The following TTC39A variants were observed in gnomAD, a reference collection of about 807,000 sequenced individuals.
The protein encoded by TTC39A is tetratricopeptide repeat protein 39A.
Under a neutral mutation model 82.3 loss-of-function variants are expected in TTC39A, and 46 were observed. The observed-to-expected ratio is 0.56, with a 90% CI of 0.44 to 0.71. The LOEUF (loss-of-function observed/expected upper bound fraction) is 0.71, where lower values mean the gene tolerates loss of function less well. Ranked by LOEUF, TTC39A falls within the 30% of genes least tolerant of loss-of-function variation. TTC39A has a pLI of 0.00. For missense variants in TTC39A, 543 were observed against 712.9 expected, an observed-to-expected ratio of 0.76 and a Z score of 2.71; for synonymous variants, 254 against 275.2, an observed-to-expected ratio of 0.92 and a Z score of 0.76.
At chr1:51,291,201 T>C (rs572599585) in intron 14 of TTC39A, among the ~76,000 whole-genome samples, 20 of 152,236 alleles carry the variant, frequency 1.3e-4, no homozygotes, top group South Asian at 4.1e-4. Flanking sequence ...TTAAAAAAAT[T>C]TGGGGGGGGC....
At position 51,337,345 on chromosome 1, in the gene TTC39A, C is replaced by T. The variant is rs571044531; in HGVS notation, c.53+7646G>A. On this transcript the variant is annotated intron_variant, in intron 1 of 5. Transcript: ENST00000401051. ...GTCTGCCTGGAATGCTCTTCTCACA[C>T]GATTCACTACTTCACCTTCTTCGGG... 7.2e-5 allele frequency among the ~76,000 whole-genome samples: 11 copies of T among 152,226 alleles called. No individual in the cohort carries two copies. In the East Asian group the frequency reaches 9.6e-4, roughly 13 times the overall value.
chr1:51,317,430 T>C lies in TTC39A; in HGVS notation c.146+4291A>G, dbSNP rs150118413. Among the ~76,000 whole-genome samples the C allele has an allele frequency of 5.3e-5, 8 of 152,252 alleles. No homozygotes were observed. In the East Asian group the frequency reaches 1.5e-3, roughly 29 times the overall value. The stretch of plus-strand genomic sequence containing the variant: ...GTCTGGGGGTGGTGTGCTACTGACA[T>C]TACTATTTGGAGGAAAACTGTTAAA... On this transcript the variant is annotated intron_variant, in intron 2 of 17. Transcript: ENST00000680483.
At chr1:51,325,567 C>G (rs1645683486) in intron 1 of TTC39A, among the ~76,000 whole-genome samples, 1 of 152,128 alleles carries the variant, frequency 6.6e-6, no homozygotes, top group Non-Finnish European at 1.5e-5. Flanking sequence ...GATTATTACC[C>G]CCCCACACCT....
At chr1:51,329,226 C>G (rs968131115) in intron 1 of TTC39A, among the ~76,000 whole-genome samples, 2 of 152,200 alleles carry the variant, frequency 1.3e-5, no homozygotes, top group African/African-American at 4.8e-5. Flanking sequence ...TGCCCGCCTT[C>G]TCTCCTGGAA....
At chr1:51,310,494 C>T (rs562151637) in intron 5 of TTC39A, among the ~76,000 whole-genome samples, 1 of 152,306 alleles carries the variant, frequency 6.6e-6, no homozygotes, top group South Asian at 2.1e-4. Flanking sequence ...ATCCAATTCT[C>T]ATCTCTCCAG....
chr1:51,316,951 T>C (rs1301172168), intron 2 of TTC39A, among the ~76,000 whole-genome samples: 1 of 152,190 alleles, frequency 6.6e-6, no homozygotes, highest in Non-Finnish European at 1.5e-5. Context: ...CACTCTGCCA[T>C]TTATTAACCA....
intron 2 of TTC39A, among the ~76,000 whole-genome samples, chr1:51,318,311 C>A (rs750419506): frequency 6.6e-6 from 1 of 152,122 alleles, no homozygotes; most frequent in Admixed American, 6.5e-5. Flanking sequence ...AGCTGGAGAG[C>A]CTTCCAAGAA....
At chr1:51,343,211 C>A in intron 1 of TTC39A, 1 of 370,990 alleles carries the variant, frequency 2.7e-6, no homozygotes, top group Non-Finnish European at 5.6e-6. Flanking sequence ...ACAAATGAGC[C>A]CTGTCTCCTT....
intron 1 of TTC39A, among the ~76,000 whole-genome samples, chr1:51,341,141 G>A (rs1010432993): frequency 6.6e-5 from 10 of 151,938 alleles, no homozygotes; most frequent in Admixed American, 6.6e-5. Context: ...CAGCCTGGGC[G>A]ACAAGAGTGA....
At chr1:51,322,020 G>A (rs1645544149) in intron 1 of TTC39A, 195 bp from the exon 2 acceptor site, 2 of 1,477,508 alleles carry the variant, frequency 1.4e-6, no homozygotes, top group South Asian at 2.6e-5. Flanking sequence ...CCCAAGGGTG[G>A]GAGGGGGAGC....
rs1487262469 is a variant in TTC39A, at chr1:51,287,487, AGATT to A, written c.*666_*669del. 6.6e-6 allele frequency: 1 copy of A among 152,226 alleles called. No homozygotes were observed. The highest frequency in any genetic ancestry group is 1.5e-5 in the Non-Finnish European group (1 of 68,048). 9.4% of individuals were successfully genotyped at this position (152,226 alleles called of 1,614,324 possible). On this transcript the variant is annotated 3_prime_UTR_variant, in exon 18 of 18. Coordinates refer to ENST00000680483, the MANE Select transcript of TTC39A (RefSeq NM_001297663.2). ...AAGCCCTGGCATTTTCTACTGGTAG[AGATT>A]GATTTTTCTACAGAAGAGCTCAGAT...
intron 2 of TTC39A, among the ~76,000 whole-genome samples, chr1:51,317,811 G>A (rs781448851): frequency 1.3e-5 from 2 of 152,168 alleles, no homozygotes; most frequent in Non-Finnish European, 2.9e-5. Flanking sequence ...GAATAAGGCA[G>A]GGGCTAAGAA....
At chr1:51,312,004 T>C (rs1431389566) in intron 4 of TTC39A, 115 bp downstream of exon 4, 2 of 1,133,994 alleles carry the variant, frequency 1.8e-6, no homozygotes, top group African/African-American at 3.1e-5. Flanking sequence ...TGTCCTGGCA[T>C]GGACACCAGG....
Position 51,321,734 on chromosome 1 carries a change from A to G in TTC39A, c.133T>C (p.Tyr45His), listed in dbSNP as rs1277177826. The part of the protein sequence containing the change: ...LTNQFSEALS[Y>H]LKPRTKESMY... ...CTTGAGCCTCACCTGGGCTTGAGGT[A>G]GCTGAGTGCTTCTGAGAACTGGTTG... Residue 45 changes from tyrosine (Y) to histidine (H), a missense_variant, in exon 2 of 18, where the codon TAC becomes CAC. Tyr to His is a moderately conservative substitution (Grantham distance 83, BLOSUM62 2). Coordinates refer to ENST00000680483, the MANE Select transcript of TTC39A (RefSeq NM_001297663.2). The surrounding 1 kb of genome is among the most constrained non-coding windows in gnomAD (Gnocchi z 4.6). 1 of 1,613,976 alleles carries G rather than the reference A, an allele frequency of 6.2e-7. No individual in the cohort carries two copies. The highest frequency in any genetic ancestry group is 1.7e-5 in the Admixed American group (1 of 60,026).
chr1:51,288,064 G>A lies in TTC39A; in HGVS notation c.*93C>T. 6.6e-7 allele frequency: 1 copy of A among 1,516,868 alleles called. No individual in the cohort carries two copies. Among genetic ancestry groups the A allele is most frequent in the Non-Finnish European group, 8.9e-7 (1 of 1,124,374 alleles). 94.0% of individuals were successfully genotyped at this position (1,516,868 alleles called of 1,614,324 possible). A position where few individuals can be genotyped will look rare whatever the true frequency, so the allele number is the denominator to read the frequency against. Reference sequence around the variant, plus strand: ...ACTGGAGTGCCGGTGGACCCCAAAGGCAGGGCAGGGCAGGGGGAGGGGGTA... The same window carrying A: ...ACTGGAGTGCCGGTGGACCCCAAAGACAGGGCAGGGCAGGGGGAGGGGGTA... On this transcript the variant is annotated 3_prime_UTR_variant, in exon 18 of 18. Transcript: ENST00000680483. The surrounding 1 kb of genome is among the most constrained non-coding windows in gnomAD (Gnocchi z 4.8).
Sources: gnomAD v4.1 joint callset for allele counts (sites outside exome capture counted in the v4.1 genomes callset) on GRCh38, gnomAD v4.1.1 for gene constraint, Gnocchi (gnomAD v3.1) non-coding constraint, MANE v1.5 for transcripts, NCBI Gene and HGNC (gene_info 2026-07-23, HGNC 2026-07-21) for gene names.